UBE3C: variants seen among roughly 807,000 people sequenced by gnomAD.
UBE3C encodes ubiquitin protein ligase E3C, also known as ubiquitin-protein ligase E3C.
UBE3C carries 42 observed loss-of-function variants against 129.4 expected under a neutral mutation model. The ratio of observed to expected loss-of-function variants is 0.32; its 90% CI spans 0.25 to 0.42. The LOEUF is 0.42. Ranked by LOEUF, UBE3C falls within the 10% of genes least tolerant of loss-of-function variation. The pLI is 1.00. For missense variants in UBE3C, 1,049 were observed against 1,319.1 expected, an observed-to-expected ratio of 0.80 and a Z score of 3.17; for synonymous variants, 510 against 492.4, an observed-to-expected ratio of 1.04 and a Z score of -0.47.
At position 157,183,963 on chromosome 7, in the gene UBE3C, G is replaced by A. The variant is rs980535421; in HGVS notation, c.1077G>A (p.Ala359=). The A allele has an allele frequency of 9.3e-6, 15 of 1,614,040 alleles. No homozygotes were observed. Among genetic ancestry groups the A allele is most frequent in the South Asian group, 4.4e-5 (4 of 91,084 alleles). The change falls in exon 9 of 23, where the codon GCG becomes GCA. Residue 359 remains alanine, a synonymous_variant. Coordinates refer to ENST00000348165, the MANE Select transcript of UBE3C (RefSeq NM_014671.3). ...LSQLPVSPAS[A]SCHDSASDSE... ...AGTTACCAGTCTCTCCTGCCAGCGC[G>A]AGCTGTCACGACTCAGCCAGTGACT...
At chr7:157,160,909 C>T (rs541348999) in intron 1 of UBE3C, among the ~76,000 whole-genome samples, 6 of 152,154 alleles carry the variant, frequency 3.9e-5, no homozygotes, top group South Asian at 4.2e-4. Context: ...CGTGTTTGTG[C>T]GTATAATCCT....
At chr7:157,191,259 G>C (rs1808958193) in intron 10 of UBE3C, among the ~76,000 whole-genome samples, 1 of 152,112 alleles carries the variant, frequency 6.6e-6, no homozygotes, top group Admixed American at 6.5e-5. Flanking sequence ...GCGTGTGTAT[G>C]TGTGTGTGTA....
intron 18 of UBE3C, among the ~76,000 whole-genome samples, chr7:157,240,617 T>C (rs1344255739): frequency 2.6e-5 from 4 of 152,068 alleles, no homozygotes; most frequent in African/African-American, 4.8e-5. Context: ...AAGGGTGAAT[T>C]GGTTGCAAGT....
chr7:157,195,231 G>A (rs571596719), intron 10 of UBE3C, among the ~76,000 whole-genome samples: 2 of 152,332 alleles, frequency 1.3e-5, no homozygotes, highest in East Asian at 3.9e-4. Flanking sequence ...TATGTGAGGA[G>A]CCTCCTGTGT....
At chr7:157,228,988 G>A (rs1214658219) in intron 17 of UBE3C, among the ~76,000 whole-genome samples, 1 of 152,156 alleles carries the variant, frequency 6.6e-6, no homozygotes, top group Non-Finnish European at 1.5e-5. Context: ...TGCTTCTAGA[G>A]GTTACATGTC....
intron 22 of UBE3C, 65 bp downstream of exon 22, chr7:157,257,109 C>G: frequency 6.3e-7 from 1 of 1,596,242 alleles, no homozygotes; most frequent in Non-Finnish European, 8.5e-7. Context: ...GCAGAACATT[C>G]AGTAGGGTTA....
Position 157,227,052 on chromosome 7 carries a change from A to G in UBE3C, c.2233+1513A>G, listed in dbSNP as rs114575451. Among the ~76,000 whole-genome samples the G allele has an allele frequency of 3.3e-3, 508 of 152,260 alleles. 2 individuals are homozygous for G. The highest frequency in any genetic ancestry group is 0.011 in the African/African-American group (473 of 41,544). On this transcript the variant is annotated intron_variant, in intron 17 of 22. Coordinates refer to ENST00000348165, the MANE Select transcript of UBE3C (RefSeq NM_014671.3). ...GTTCATCTCTCCCACTTGACCCTGG[A>G]GGTCTTTACAGCTTGGGATGGAATT...
chr7:157,245,564 C>G (rs1796450609), intron 18 of UBE3C, among the ~76,000 whole-genome samples: 1 of 152,168 alleles, frequency 6.6e-6, no homozygotes, highest in Non-Finnish European at 1.5e-5. Context: ...GTGCCTGTTG[C>G]CATTTTATTC....
rs752538646 is a variant in UBE3C, at chr7:157,169,140, TGAG to T, written c.195+22_195+24del. 3.7e-5 allele frequency: 59 copies of T among 1,604,146 alleles called. No homozygotes were observed. The highest frequency in any genetic ancestry group is 1.3e-4 in the East Asian group (6 of 44,772). ...AACAGCAAGTAAGTTTGTTTTAAAA[TGAG>T]GAGATTAGTAGGGCATGGGAGAGCT... On this transcript the variant is annotated intron_variant, in intron 3 of 22. Coordinates refer to ENST00000348165, the MANE Select transcript of UBE3C (RefSeq NM_014671.3).
intron 10 of UBE3C, among the ~76,000 whole-genome samples, chr7:157,201,131 C>T (rs908132432): frequency 6.6e-6 from 1 of 151,870 alleles, no homozygotes; most frequent in Admixed American, 6.6e-5. Flanking sequence ...CAAGACCAGC[C>T]TGGCCAACGT....
rs771252696 is a variant in UBE3C, at chr7:157,170,361, G to A, written c.253G>A (p.Ala85Thr). ...RCATLSQSGG[A>T]FPIANGPNLT... ...TGCTACCTTGTCACAGTCCGGGGGC[G>A]CTTTTCCCATTGCTAATGGCCCCAA... The change falls in exon 4 of 23, where the codon GCT becomes ACT. Residue 85 changes from alanine (A) to threonine (T), a missense_variant. Around this residue, in one of 4 missense-constraint regions of UBE3C, gnomAD observed 489 missense variants for 513.8 expected, o/e 0.95. Transcript: ENST00000348165. 17 of 1,576,832 alleles carry A rather than the reference G, an allele frequency of 1.1e-5. No homozygotes were observed. Among genetic ancestry groups the A allele is most frequent in the East Asian group, 2.3e-5 (1 of 42,802 alleles).
intron 18 of UBE3C, among the ~76,000 whole-genome samples, chr7:157,245,232 C>G (rs1460671013): frequency 2.0e-5 from 3 of 152,146 alleles, no homozygotes; most frequent in Non-Finnish European, 1.5e-5. Context: ...TCAGGTAGTT[C>G]TGATATATTT....
intron 19 of UBE3C, among the ~76,000 whole-genome samples, chr7:157,252,948 T>C (rs553687828): frequency 4.1e-4 from 63 of 152,328 alleles, no homozygotes; most frequent in African/African-American, 1.3e-3. Flanking sequence ...TCTTGCTTTA[T>C]CTCAAACTCC....
At chr7:157,190,709 TC>T (rs1808937457) in intron 10 of UBE3C, among the ~76,000 whole-genome samples, 1 of 151,910 alleles carries the variant, frequency 6.6e-6, no homozygotes. Context: ...CAGTGTAGAC[TC>T]CCTTTGCTTT....
At chr7:157,184,148 G>C (rs1197240153) in intron 9 of UBE3C, 119 bp downstream of exon 9, 1 of 1,327,302 alleles carries the variant, frequency 7.5e-7, no homozygotes, top group Non-Finnish European at 1.0e-6. Context: ...AGCCTTTGCA[G>C]AGAAGCCCCG....
Position 157,224,734 on chromosome 7 carries a change from A to G in UBE3C, c.2101-673A>G, listed in dbSNP as rs917465666. ...TGGTGAACAAAAGAGTTTCTTTTGA[A>G]GCTGTTCATGTCCCTTTACTAAACC... On this transcript the variant is annotated intron_variant, in intron 16 of 22. Coordinates refer to ENST00000348165, the MANE Select transcript of UBE3C (RefSeq NM_014671.3). Among the ~76,000 whole-genome samples the G allele has an allele frequency of 1.8e-4, 28 of 151,924 alleles. No homozygotes were observed. In the Middle Eastern group the frequency reaches 0.01, roughly 55 times the overall value.
chr7:157,140,526 T>G (rs1807414163), intron 1 of UBE3C, among the ~76,000 whole-genome samples: 1 of 152,174 alleles, frequency 6.6e-6, no homozygotes, highest in Non-Finnish European at 1.5e-5. Context: ...AATGAAAATG[T>G]TTTATGAGAT....
rs1028260389 is a variant in UBE3C at position 157,262,605 on chromosome 7, G to C, written c.3082-4980G>C. Among the ~76,000 whole-genome samples, 19 of 151,572 alleles carry C rather than the reference G, an allele frequency of 1.3e-4. No homozygotes were observed. In the East Asian group the frequency reaches 3.7e-3, roughly 29 times the overall value. On this transcript the variant is annotated intron_variant, in intron 22 of 22. Transcript: ENST00000348165. Reference sequence around the variant, plus strand: ...AGCTAATTTTTTTGCATTTTTAGTAGAGGCAGGATTTCACCATGTTGGCCA... The same window carrying C: ...AGCTAATTTTTTTGCATTTTTAGTACAGGCAGGATTTCACCATGTTGGCCA...
chr7:157,220,150 G>A (rs1001510793), intron 14 of UBE3C, among the ~76,000 whole-genome samples: 5 of 152,080 alleles, frequency 3.3e-5, no homozygotes, highest in African/African-American at 4.8e-5. Context: ...GGTGGAGGTC[G>A]CAGTGGGCTG....
Sources: gnomAD v4.1 joint callset for allele counts (sites outside exome capture counted in the v4.1 genomes callset) on GRCh38, gnomAD v4.1.1 for gene constraint, gnomAD v4.1.1 regional missense constraint, MANE v1.5 for transcripts, NCBI Gene and HGNC (gene_info 2026-07-23, HGNC 2026-07-21) for gene names.